Variants in NACC2 observed in about 807,000 individuals in gnomAD.
The protein encoded by NACC2 is nucleus accumbens-associated protein 2.
NACC2 carries 8 observed loss-of-function variants against 25.1 expected under a neutral mutation model. The observed-to-expected ratio is 0.32, with a 90% CI of 0.19 to 0.57. The LOEUF is 0.57. Ranked by LOEUF, NACC2 falls within the 20% of genes least tolerant of loss-of-function variation. The probability of loss-of-function intolerance (pLI) is 0.89; values close to 1 mark genes in which losing one functional copy is unlikely to be tolerated. For synonymous variants in NACC2, 435 were observed against 294.7 expected, an observed-to-expected ratio of 1.48 and a Z score of -4.88; for missense variants, 644 against 650.2, an observed-to-expected ratio of 0.99 and a Z score of 0.10.
At chr9:136,093,912 C>G (rs1185881896) in intron 1 of NACC2, among the ~76,000 whole-genome samples, 2 of 152,156 alleles carry the variant, frequency 1.3e-5, no homozygotes, top group Non-Finnish European at 2.9e-5. Context: ...GAATGCTGAG[C>G]TGAGTGTCCC....
chr9:136,012,155 G>T, intron 5 of NACC2, 131 bp from the exon 6 acceptor site: 1 of 1,155,660 alleles, frequency 8.7e-7, no homozygotes, highest in Non-Finnish European at 1.2e-6. Context: ...ACCACCTGGG[G>T]CTCTCCTGGC....
In NACC2 at chr9:136,022,788, G is replaced by A. The variant is rs897403775; in HGVS notation, c.887-6359C>T. On this transcript the variant is annotated intron_variant, in intron 2 of 5. Coordinates refer to ENST00000277554, the MANE Select transcript of NACC2 (RefSeq NM_144653.5). This position sits in a 1 kb window ranked among gnomAD's most constrained non-coding sequence, Gnocchi z 4.4. ...CCACGCTGTACTTGGTGGGAGCACAGAGGCCACAATTATAAGGCATGCCAT... is the reference window on the plus strand; with the variant it reads ...CCACGCTGTACTTGGTGGGAGCACAAAGGCCACAATTATAAGGCATGCCAT... Among the ~76,000 whole-genome samples, 2 of 152,002 alleles carry A rather than the reference G, an allele frequency of 1.3e-5. No homozygotes were observed. The highest frequency in any genetic ancestry group is 4.8e-5 in the African/African-American group (2 of 41,384).
intron 2 of NACC2, among the ~76,000 whole-genome samples, chr9:136,035,442 G>C (rs1338399027): frequency 6.6e-6 from 1 of 152,000 alleles, no homozygotes; most frequent in Non-Finnish European, 1.5e-5. Flanking sequence ...ACAAAATAAT[G>C]AACTGCGCTT....
Position 136,083,588 on chromosome 9 carries a change from G to T in NACC2, c.-60+11601C>A, listed in dbSNP as rs565719049. On this transcript the variant is annotated intron_variant, in intron 1 of 5. Coordinates refer to ENST00000277554, the MANE Select transcript of NACC2 (RefSeq NM_144653.5). Reference sequence around the variant, plus strand: ...GAGAAGGGAAAACGCGGACACCTGTGAAGAGCGCCGTGCAGAGGCCAGGCC... The same window carrying T: ...GAGAAGGGAAAACGCGGACACCTGTTAAGAGCGCCGTGCAGAGGCCAGGCC... Among the ~76,000 whole-genome samples the T allele has an allele frequency of 1.1e-4, 16 of 152,378 alleles. No homozygotes were observed. In the East Asian group the frequency reaches 2.9e-3, roughly 28 times the overall value.
Position 136,009,329 on chromosome 9 carries a change from CAG to C in NACC2, c.*2185_*2186del, listed in dbSNP as rs1012883233. ...GCTCCAACCCCACCTGTGCCCAAGA[CAG>C]GGGAGGAAGAGGCAGAGAAAGGCTC... On this transcript the variant is annotated 3_prime_UTR_variant, in exon 6 of 6. Transcript: ENST00000277554. 9.2e-5 allele frequency: 14 copies of C among 152,286 alleles called. No individual in the cohort carries two copies. Among genetic ancestry groups the C allele is most frequent in the African/African-American group, 1.4e-4 (6 of 41,452 alleles). The allele number at this position is 152,286 out of a possible 1,614,324, so 9.4% of individuals were successfully genotyped here.
chr9:136,042,904 A>T (rs1323424900), intron 2 of NACC2, among the ~76,000 whole-genome samples: 2 of 151,784 alleles, frequency 1.3e-5, no homozygotes, highest in Non-Finnish European at 2.9e-5. Flanking sequence ...ACAGACACAC[A>T]CAGAGACACA....
chr9:136,081,061 G>A lies in NACC2; in HGVS notation c.-60+14128C>T, dbSNP rs148604423. Among the ~76,000 whole-genome samples the A allele has an allele frequency of 4.6e-3, 706 of 152,206 alleles. 8 individuals carry two copies. The highest frequency in any genetic ancestry group is 0.016 in the African/African-American group (673 of 41,524). ...CAGAACCCCACGGGCCCAGGGTCAC[G>A]GATCACGAACGGCTGCGGGGAGAAG... On this transcript the variant is annotated intron_variant, in intron 1 of 5. Transcript: ENST00000277554.
chr9:136,076,426 G>A (rs1830263432), intron 1 of NACC2, among the ~76,000 whole-genome samples: 1 of 152,168 alleles, frequency 6.6e-6, no homozygotes, highest in African/African-American at 2.4e-5. Context: ...ACTATGCCGA[G>A]TGAAAGCCAC....
At chr9:136,029,747 G>A (rs1488997227) in intron 2 of NACC2, among the ~76,000 whole-genome samples, 3 of 152,204 alleles carry the variant, frequency 2.0e-5, no homozygotes, top group Non-Finnish European at 4.4e-5. Context: ...GCCGGCGCCT[G>A]TGCCAGTGCC....
At chr9:136,051,132 G>A (rs1490657974) in intron 1 of NACC2, among the ~76,000 whole-genome samples, 11 of 152,180 alleles carry the variant, frequency 7.2e-5, no homozygotes, top group Admixed American at 5.9e-4. Context: ...CGGGGAAGGC[G>A]GGCCAGCGTC....
intron 2 of NACC2, among the ~76,000 whole-genome samples, chr9:136,032,313 A>G (rs1840486588): frequency 6.6e-6 from 1 of 152,246 alleles, no homozygotes; most frequent in South Asian, 2.1e-4. Flanking sequence ...TTAGCAGGGC[A>G]GCAGAGGAAA....
intron 2 of NACC2, among the ~76,000 whole-genome samples, chr9:136,030,858 TTGC>T (rs1284638999): frequency 6.6e-6 from 1 of 151,998 alleles, no homozygotes; most frequent in Non-Finnish European, 1.5e-5. Context: ...AGATGGGGTT[TTGC>T]CATGTTGCCC....
chr9:136,066,277 T>A (rs764286597), intron 1 of NACC2, among the ~76,000 whole-genome samples: 1 of 150,748 alleles, frequency 6.6e-6, no homozygotes, highest in Admixed American at 6.6e-5. Flanking sequence ...ATATCTAGAA[T>A]GTATAAATAA....
chr9:136,076,244 CG>C (rs1292401734), intron 1 of NACC2, among the ~76,000 whole-genome samples: 1 of 152,166 alleles, frequency 6.6e-6, no homozygotes, highest in Non-Finnish European at 1.5e-5. Context: ...CCCGGCCCTG[CG>C]GAACTCGAAG....
In NACC2 at chr9:136,022,361, T is replaced by C. The variant is rs1840305876; in HGVS notation, c.887-5932A>G. 6.6e-6 allele frequency among the ~76,000 whole-genome samples: 1 copy of C among 152,188 alleles called. No homozygotes were observed. The highest frequency in any genetic ancestry group is 2.1e-4 in the South Asian group (1 of 4,830). The stretch of plus-strand genomic sequence containing the variant: ...CCCCCGAAAGCACACAGGTGTGGAC[T>C]CAACACCCTCCTGCCCGATGCCCAG... On this transcript the variant is annotated intron_variant, in intron 2 of 5. Transcript: ENST00000277554. The surrounding 1 kb of genome is among the most constrained non-coding windows in gnomAD (Gnocchi z 4.4).
rs1469165805 is a variant in NACC2, at chr9:136,018,735, C to A, written c.887-2306G>T. On this transcript the variant is annotated intron_variant, in intron 2 of 5. Coordinates refer to ENST00000277554, the MANE Select transcript of NACC2 (RefSeq NM_144653.5). The surrounding 1 kb of genome is among the most constrained non-coding windows in gnomAD (Gnocchi z 4.4). ...GTGGGGCAGAGCATCGCAGGATAAGCCCAGAATTACCCGAGTGCTCAGGGA... is the reference window on the plus strand; with the variant it reads ...GTGGGGCAGAGCATCGCAGGATAAGACCAGAATTACCCGAGTGCTCAGGGA... Among the ~76,000 whole-genome samples, 2 of 151,946 alleles carry A rather than the reference C, an allele frequency of 1.3e-5. No individual in the cohort carries two copies. The highest frequency in any genetic ancestry group is 2.9e-5 in the Non-Finnish European group (2 of 67,990).
intron 1 of NACC2, among the ~76,000 whole-genome samples, chr9:136,083,235 G>A (rs867690745): frequency 6.6e-6 from 1 of 152,206 alleles, no homozygotes; most frequent in African/African-American, 2.4e-5. Context: ...CAGAGCCCCT[G>A]GGGAGCTGCT....
chr9:136,081,857 C>T (rs1252975923), intron 1 of NACC2, among the ~76,000 whole-genome samples: 1 of 152,074 alleles, frequency 6.6e-6, no homozygotes, highest in Non-Finnish European at 1.5e-5. Flanking sequence ...GGCAGCCAGC[C>T]CCCACCCCCG....
chr9:136,069,074 T>C, intron 1 of NACC2, among the ~76,000 whole-genome samples: 1 of 151,390 alleles, frequency 6.6e-6, no homozygotes, highest in East Asian at 1.9e-4. Context: ...ACCCAACTAA[T>C]TTTTTGTATT....
Sources: gnomAD v4.1 joint callset for allele counts (sites outside exome capture counted in the v4.1 genomes callset) on GRCh38, gnomAD v4.1.1 for gene constraint, Gnocchi (gnomAD v3.1) non-coding constraint, MANE v1.5 for transcripts, NCBI Gene and HGNC (gene_info 2026-07-23, HGNC 2026-07-21) for gene names.